The following GATAD2A variants were observed in gnomAD, a reference collection of about 807,000 sequenced individuals.
GATAD2A encodes the protein GATA zinc finger domain containing 2A.
In GATAD2A, 12 loss-of-function variants were observed where a neutral mutation model predicts 68.5. The observed-to-expected ratio is 0.18, with a 90% CI of 0.11 to 0.28. GATAD2A has a LOEUF of 0.28. Ranked by LOEUF, GATAD2A falls within the 10% of genes least tolerant of loss-of-function variation. The pLI, the probability that GATAD2A is intolerant of heterozygous loss-of-function variation, is 1.00. For synonymous variants in GATAD2A, 410 were observed against 375.3 expected (o/e 1.09, Z -1.07); for missense variants, 755 against 868.5 (o/e 0.87, Z 1.64).
intron 2 of GATAD2A, among the ~76,000 whole-genome samples, chr19:19,490,541 G>A (rs2059720306): frequency 6.6e-6 from 1 of 152,148 alleles, no homozygotes; most frequent in South Asian, 2.1e-4. Context: ...GTCCGAGTTT[G>A]TTCTCTGGGT....
At chr19:19,432,358 G>A (rs180923319) in intron 1 of GATAD2A, among the ~76,000 whole-genome samples, 2 of 152,254 alleles carry the variant, frequency 1.3e-5, no homozygotes, top group African/African-American at 4.8e-5. Flanking sequence ...CTGGAGTGCA[G>A]TGGCTCAATT....
At chr19:19,470,963 A>G (rs766573473) in intron 2 of GATAD2A, among the ~76,000 whole-genome samples, 5 of 152,198 alleles carry the variant, frequency 3.3e-5, no homozygotes, top group Non-Finnish European at 7.4e-5. Flanking sequence ...CTGGTCGAAA[A>G]GTAGAAGCAG....
intron 11 of GATAD2A, 48 bp from the exon 12 acceptor site, chr19:19,505,296 G>A (rs778021843): frequency 4.4e-6 from 7 of 1,598,404 alleles, no homozygotes; most frequent in Non-Finnish European, 6.0e-6. Context: ...CCTCCCAGGA[G>A]CCCTCCTGAC....
chr19:19,429,707 C>T (rs2053520951), intron 1 of GATAD2A, among the ~76,000 whole-genome samples: 1 of 151,972 alleles, frequency 6.6e-6, no homozygotes, highest in East Asian at 2.0e-4. Context: ...ACAACATGTA[C>T]TGGCTGTCAC....
intron 1 of GATAD2A, among the ~76,000 whole-genome samples, chr19:19,395,485 T>C (rs2049161599): frequency 6.6e-6 from 1 of 151,964 alleles, no homozygotes. Context: ...ATGTTCAAGT[T>C]ACCCCTTTTC....
intron 2 of GATAD2A, among the ~76,000 whole-genome samples, chr19:19,490,610 A>G (rs1439881492): frequency 6.6e-6 from 1 of 152,136 alleles, no homozygotes; most frequent in Non-Finnish European, 1.5e-5. Flanking sequence ...GACAAAAAAA[A>G]TGGACTTGAT....
At chr19:19,422,355 C>G (rs1261034341) in intron 1 of GATAD2A, among the ~76,000 whole-genome samples, 1 of 152,170 alleles carries the variant, frequency 6.6e-6, no homozygotes, top group Non-Finnish European at 1.5e-5. Context: ...CCAGCCCCCA[C>G]CAGCACAGTT....
intron 1 of GATAD2A, among the ~76,000 whole-genome samples, chr19:19,399,436 C>A (rs1409906049): frequency 1.3e-5 from 2 of 152,108 alleles, no homozygotes. Context: ...AGTGATCTGC[C>A]CGCCTGGGTC....
At chr19:19,469,002 A>G (rs892638650) in intron 2 of GATAD2A, among the ~76,000 whole-genome samples, 3 of 152,246 alleles carry the variant, frequency 2.0e-5, no homozygotes, top group African/African-American at 7.2e-5. Flanking sequence ...GGGGAATTAA[A>G]TGGAGCAATA....
At chr19:19,408,528 C>T (rs555780690) in intron 1 of GATAD2A, among the ~76,000 whole-genome samples, 2 of 152,024 alleles carry the variant, frequency 1.3e-5, no homozygotes, top group South Asian at 2.1e-4. Flanking sequence ...CTGTATTTTG[C>T]GTGTGTGTGT....
At chr19:19,501,938 C>T (rs1293909669) in intron 9 of GATAD2A, 31 bp from the exon 10 acceptor site, 7 of 1,594,070 alleles carry the variant, frequency 4.4e-6, no homozygotes, top group African/African-American at 2.7e-5. Flanking sequence ...GCGGACCGCA[C>T]TGACTTTGCT....
intron 1 of GATAD2A, among the ~76,000 whole-genome samples, chr19:19,460,288 T>C (rs918658668): frequency 2.0e-5 from 3 of 152,176 alleles, no homozygotes; most frequent in African/African-American, 7.2e-5. Context: ...ATCTGTGCTG[T>C]GCATCAATCT....
At position 19,495,740 on chromosome 19, in the gene GATAD2A, G is replaced by C. The variant is rs2060107546; in HGVS notation, c.625-14G>C. On this transcript the variant is annotated splice_polypyrimidine_tract_variant and intron_variant, in intron 5 of 11. Coordinates refer to ENST00000683918, the MANE Select transcript of GATAD2A (RefSeq NM_001384528.1). ...TCCGGTCCATGTAAATCTGGGTCTT[G>C]GTATCGTTGGCAGACCTCTTCAGCT... 3 of 1,594,198 alleles carry C rather than the reference G, an allele frequency of 1.9e-6. No individual in the cohort carries two copies. In the African/African-American group the frequency reaches 4.0e-5, roughly 21 times the overall value.
Position 19,505,316 on chromosome 19 carries a change from C to T in GATAD2A, c.1775-28C>T, listed in dbSNP as rs768522271. 12 of 1,610,436 alleles carry T rather than the reference C, an allele frequency of 7.5e-6. No individual in the cohort carries two copies. The Admixed American group carries it at 2.0e-4, about 27-fold the overall frequency. ...CAGGAGCCCTCCTGACGAGGGCCTT[C>T]TCAGCTGGTCGCTCTGTTCTGTTGC... On this transcript the variant is annotated intron_variant, in intron 11 of 11. Transcript: ENST00000683918.
At position 19,505,602 on chromosome 19, in the gene GATAD2A, C is replaced by A. The variant is rs2060834069; in HGVS notation, c.*128C>A. The A allele has an allele frequency of 1.2e-6, 1 of 822,956 alleles. No individual in the cohort carries two copies. The highest frequency in any genetic ancestry group is 1.8e-6 in the Non-Finnish European group (1 of 552,966). The allele number at this position is 822,956 out of a possible 1,614,324, so 51.0% of individuals were successfully genotyped here. On this transcript the variant is annotated 3_prime_UTR_variant, in exon 12 of 12. Transcript: ENST00000683918. ...TGCCCGCCCCAAGAGCAAGCACCGG[C>A]CATGCTGCAGAGGCAAGACCTCAAT... is the stretch of plus-strand genomic sequence containing the variant.
chr19:19,407,399 A>G (rs747984922), intron 1 of GATAD2A, among the ~76,000 whole-genome samples: 8 of 152,198 alleles, frequency 5.3e-5, no homozygotes, highest in Non-Finnish European at 7.3e-5. Flanking sequence ...AGACATATTC[A>G]GTGCCTATAA....
At chr19:19,391,793 C>G (rs922127441) in intron 1 of GATAD2A, among the ~76,000 whole-genome samples, 4 of 152,174 alleles carry the variant, frequency 2.6e-5, no homozygotes, top group African/African-American at 9.7e-5. Context: ...CAGCTTCTAA[C>G]TCTGGACGAT....
chr19:19,442,364 A>G (rs1025107598), intron 1 of GATAD2A, among the ~76,000 whole-genome samples: 1 of 151,194 alleles, frequency 6.6e-6, no homozygotes, highest in Non-Finnish European at 1.5e-5. Flanking sequence ...CGTGGCTCAC[A>G]CCTGTAATCC....
chr19:19,503,156 G>A (rs2060654002), intron 11 of GATAD2A, among the ~76,000 whole-genome samples: 1 of 152,242 alleles, frequency 6.6e-6, no homozygotes, highest in Non-Finnish European at 1.5e-5. Context: ...GTTAACATTA[G>A]AACAAAAGTG....
Sources: allele counts gnomAD v4.1 joint callset (sites outside exome capture counted in the v4.1 genomes callset), GRCh38; gene constraint gnomAD v4.1.1; transcripts MANE v1.5; gene names NCBI Gene and HGNC (gene_info 2026-07-23, HGNC 2026-07-21).